PKIB: variants seen among roughly 807,000 people sequenced by gnomAD.
PKIB encodes PKI-beta.
Under a neutral mutation model 4.5 loss-of-function variants are expected in PKIB, and 2 were observed. The ratio of observed to expected loss-of-function variants is 0.44; its 90% CI spans 0.18 to 1.39. The LOEUF (loss-of-function observed/expected upper bound fraction) is 1.39. Among genes scored for constraint, PKIB ranks in the 40% most tolerant of loss-of-function variants. PKIB has a pLI of 0.27. For missense variants in PKIB, 94 were observed against 92.6 expected (o/e 1.02, Z -0.06); for synonymous variants, 38 against 36.0 (o/e 1.06, Z -0.20).
intron 1 of PKIB, among the ~76,000 whole-genome samples, chr6:122,624,973 C>T (rs1176817086): frequency 6.6e-6 from 1 of 152,146 alleles, no homozygotes; most frequent in East Asian, 1.9e-4. Context: ...TCCTGGGGAC[C>T]TGAAGTGTGA....
Position 122,717,882 on chromosome 6 carries a change from T to G in PKIB, c.88T>G (p.Leu30Val), listed in dbSNP as rs765435840. The change falls in exon 4 of 5, where the codon TTA (leucine) becomes GTA (valine). Residue 30 changes from leucine to valine, a missense_variant. By Grantham distance (32) the Leu-to-Val change is conservative. Coordinates refer to ENST00000368452, the MANE Select transcript of PKIB (RefSeq NM_181795.3). The stretch of plus-strand genomic sequence containing the variant: ...AGCAAGGGCAGGCCGCCGGAATGCC[T>G]TACCAGACATCCAGAGTTCAGCTGC... The part of the protein sequence containing the change: ...SSARAGRRNA[L>V]PDIQSSAATD... 1.9e-6 allele frequency: 3 copies of G among 1,614,016 alleles called. No homozygotes were observed. In the African/African-American group the frequency reaches 4.0e-5, roughly 22 times the overall value.
At chr6:122,616,413 G>T (rs989197105) in intron 1 of PKIB, among the ~76,000 whole-genome samples, 1 of 152,122 alleles carries the variant, frequency 6.6e-6, no homozygotes, top group Non-Finnish European at 1.5e-5. Flanking sequence ...AAGGAGATAG[G>T]ATCAGCTAGT....
chr6:122,611,327 C>A (rs926701647), intron 1 of PKIB, among the ~76,000 whole-genome samples: 6 of 152,114 alleles, frequency 3.9e-5, no homozygotes, highest in African/African-American at 1.4e-4. Context: ...TCGTAGAGCT[C>A]CCCGGGGAAC....
chr6:122,537,248 T>C (rs967038689), intron 2 of PKIB, among the ~76,000 whole-genome samples: 1 of 152,146 alleles, frequency 6.6e-6, no homozygotes, highest in African/African-American at 2.4e-5. Context: ...ACATGTGCCA[T>C]GTTGGTGTGC....
intron 2 of PKIB, among the ~76,000 whole-genome samples, chr6:122,511,060 G>A (rs1776571198): frequency 6.6e-6 from 1 of 152,082 alleles, no homozygotes; most frequent in Non-Finnish European, 1.5e-5. Context: ...TAGTAGACGT[G>A]GTTCAGGGTC....
At chr6:122,541,695 C>T (rs1211550110) in intron 2 of PKIB, among the ~76,000 whole-genome samples, 10 of 151,698 alleles carry the variant, frequency 6.6e-5, no homozygotes, top group South Asian at 2.1e-4. Flanking sequence ...ATCTTTGTGG[C>T]GTTCTCTGTA....
At chr6:122,512,044 T>C (rs1776603953) in intron 2 of PKIB, among the ~76,000 whole-genome samples, 1 of 152,200 alleles carries the variant, frequency 6.6e-6, no homozygotes, top group Non-Finnish European at 1.5e-5. Context: ...TATTGTCCCA[T>C]ATTTTTAGGG....
At chr6:122,646,523 A>T (rs1776322977) in intron 2 of PKIB, among the ~76,000 whole-genome samples, 1 of 152,198 alleles carries the variant, frequency 6.6e-6, no homozygotes, top group Non-Finnish European at 1.5e-5. Context: ...TTTGAAATTA[A>T]ATCTCCAGTT....
intron 2 of PKIB, among the ~76,000 whole-genome samples, chr6:122,579,409 C>T (rs1773642549): frequency 6.6e-6 from 1 of 152,064 alleles, no homozygotes; most frequent in African/African-American, 2.4e-5. Context: ...ATTCTTAGGG[C>T]CTTTTCTCTT....
chr6:122,576,710 A>ATATATTT (rs59569106), intron 2 of PKIB, among the ~76,000 whole-genome samples: 273 of 109,926 alleles, frequency 2.5e-3, no homozygotes, highest in East Asian at 0.011. Flanking sequence ...ATATATATAT[A>ATATATTT]TTTTCTTTTG....
At chr6:122,511,552 G>T (rs1379033584) in intron 2 of PKIB, among the ~76,000 whole-genome samples, 1 of 152,064 alleles carries the variant, frequency 6.6e-6, no homozygotes, top group Non-Finnish European at 1.5e-5. Flanking sequence ...CAAAATGTTG[G>T]GGGCACCACC....
chr6:122,538,114 T>C (rs1777464755), intron 2 of PKIB, among the ~76,000 whole-genome samples: 2 of 152,182 alleles, frequency 1.3e-5, no homozygotes, highest in East Asian at 1.9e-4. Context: ...AAAATTTTCT[T>C]CCATTCTGTA....
chr6:122,676,980 C>T (rs995810492), intron 3 of PKIB, among the ~76,000 whole-genome samples: 4 of 152,140 alleles, frequency 2.6e-5, no homozygotes, highest in African/African-American at 7.2e-5. Flanking sequence ...GTCTTTACTA[C>T]ATTGTTTTAT....
chr6:122,520,551 T>C (rs766134170), intron 2 of PKIB, among the ~76,000 whole-genome samples: 13 of 152,328 alleles, frequency 8.5e-5, no homozygotes, highest in Non-Finnish European at 1.8e-4. Context: ...GTTTGTGTTT[T>C]TCTCATCTGG....
intron 2 of PKIB, among the ~76,000 whole-genome samples, chr6:122,673,166 T>G (rs1777534417): frequency 3.1e-5 from 1 of 32,324 alleles, no homozygotes; most frequent in African/African-American, 1.2e-4. Context: ...GATAGGTGGA[T>G]TTCTGTAAAA....
chr6:122,658,674 A>C (rs13213559), intron 2 of PKIB, among the ~76,000 whole-genome samples: 8,302 of 151,518 alleles, frequency 0.055, 258 homozygotes, highest in East Asian at 0.13. Context: ...GGTCTTTCTG[A>C]ATTAAGGCCA....
At chr6:122,723,877 T>G (rs1779837481) in intron 4 of PKIB, among the ~76,000 whole-genome samples, 1 of 152,216 alleles carries the variant, frequency 6.6e-6, no homozygotes, top group Admixed American at 6.6e-5. Flanking sequence ...TACTTCTTAT[T>G]GACCACACAT....
intron 4 of PKIB, among the ~76,000 whole-genome samples, chr6:122,720,782 A>T (rs1014021359): frequency 6.6e-6 from 1 of 151,612 alleles, no homozygotes; most frequent in Non-Finnish European, 1.5e-5. Context: ...GTTCGCTTCA[A>T]CCTCTGCCTC....
chr6:122,719,306 A>G (rs955323444), intron 4 of PKIB, among the ~76,000 whole-genome samples: 1 of 152,202 alleles, frequency 6.6e-6, no homozygotes, highest in South Asian at 2.1e-4. Flanking sequence ...ATCTGAAAGA[A>G]TATGTTCCTG....
Sources: allele counts gnomAD v4.1 joint callset (sites outside exome capture counted in the v4.1 genomes callset), GRCh38; gene constraint gnomAD v4.1.1; transcripts MANE v1.5; gene names NCBI Gene and HGNC (gene_info 2026-07-23, HGNC 2026-07-21).